The following ILDR2 variants were observed in gnomAD, a reference collection of about 807,000 sequenced individuals.
ILDR2 encodes the protein immunoglobulin-like domain-containing receptor 2.
In ILDR2, 25 loss-of-function variants were observed where a neutral mutation model predicts 66.8. That is an observed-to-expected ratio of 0.37 (90% CI 0.27 to 0.52). The LOEUF is 0.52. Ranked by LOEUF, ILDR2 falls within the 20% of genes least tolerant of loss-of-function variation. The pLI, the probability that ILDR2 is intolerant of heterozygous loss-of-function variation, is 0.88. For synonymous variants in ILDR2, 367 were observed against 357.2 expected (o/e 1.03, Z -0.31); for missense variants, 827 against 876.8 (o/e 0.94, Z 0.72).
chr1:166,960,513 T>C (rs1035186920), intron 1 of ILDR2, among the ~76,000 whole-genome samples: 1 of 152,212 alleles, frequency 6.6e-6, no homozygotes, highest in South Asian at 2.1e-4. Flanking sequence ...CTCTCAGAGT[T>C]GTTAACAAAC....
intron 7 of ILDR2, among the ~76,000 whole-genome samples, chr1:166,924,170 T>C (rs569929923): frequency 6.6e-6 from 1 of 152,336 alleles, no homozygotes; most frequent in African/African-American, 2.4e-5. Flanking sequence ...TATAATTTAA[T>C]TTTTAACCTT....
Position 166,936,375 on chromosome 1 carries a change from T to C in ILDR2, c.703+216A>G, listed in dbSNP as rs547723405. The stretch of plus-strand genomic sequence containing the variant: ...TTCCAAATGCATGGAGTGATAGATA[T>C]GGATAAGAAGTGTGGAGAGGTGTAT... On this transcript the variant is annotated intron_variant, in intron 5 of 9. Coordinates refer to ENST00000271417, the MANE Select transcript of ILDR2 (RefSeq NM_199351.3). This position sits in a 1 kb window ranked among gnomAD's most constrained non-coding sequence, Gnocchi z 5.0. Among the ~76,000 whole-genome samples the C allele has an allele frequency of 5.9e-5, 9 of 152,020 alleles. No homozygotes were observed. The highest frequency in any genetic ancestry group is 1.5e-5 in the Non-Finnish European group (1 of 68,014).
chr1:166,958,211 T>G, intron 1 of ILDR2, 110 bp from the exon 2 acceptor site: 1 of 838,970 alleles, frequency 1.2e-6, no homozygotes, highest in Non-Finnish European at 1.9e-6. Context: ...CCCCTCAACC[T>G]CATTTTCACA....
At chr1:166,942,731 A>G (rs1189569427) in intron 3 of ILDR2, among the ~76,000 whole-genome samples, 1 of 152,234 alleles carries the variant, frequency 6.6e-6, no homozygotes, top group Non-Finnish European at 1.5e-5. Context: ...AATAACAGTA[A>G]ATACAAGATC....
intron 3 of ILDR2, among the ~76,000 whole-genome samples, chr1:166,942,422 T>A (rs988449259): frequency 2.0e-5 from 3 of 152,234 alleles, no homozygotes; most frequent in Non-Finnish European, 2.9e-5. Flanking sequence ...TGTGGCCCCA[T>A]AGAAATGTGT....
chr1:166,920,773 G>T lies in ILDR2; in HGVS notation c.1818C>A (p.Arg606=). The stretch of plus-strand genomic sequence containing the variant: ...TGCTGTGGTAGGGCAGGTCGCGGCC[G>T]CGGTAGGACGGGCCGCGGGTCAGCT... The part of the protein sequence containing the change: ...ELELTRGPSY[R]GRDLPYHSNS... The change falls in exon 9 of 10, where the codon CGC becomes CGA. Residue 606 remains arginine (R), a synonymous_variant. Transcript: ENST00000271417. 6.7e-7 allele frequency: 1 copy of T among 1,498,162 alleles called. No homozygotes were observed. The highest frequency in any genetic ancestry group is 8.9e-7 in the Non-Finnish European group (1 of 1,123,812). The allele number at this position is 1,498,162 out of a possible 1,614,324, so 92.8% of individuals were successfully genotyped here.
In ILDR2 at chr1:166,936,724, A is replaced by C. The variant is rs550587562; in HGVS notation, c.570T>G (p.Val190=). The part of the protein sequence containing the change: ...AVEIMPEWVF[V]GLVLLGVFLF... ...GGAAGACGCCCAGGAGCACCAGGCC[A>C]ACAAACACCCACTCTGGAAGGATGC... The change falls in exon 5 of 10, where the codon GTT becomes GTG. Residue 190 remains valine, a synonymous_variant. Transcript: ENST00000271417. The surrounding 1 kb of genome is among the most constrained non-coding windows in gnomAD (Gnocchi z 5.0). 6 of 1,614,126 alleles carry C rather than the reference A, an allele frequency of 3.7e-6. 1 individual carries two copies. In the South Asian group the frequency reaches 6.6e-5, roughly 18 times the overall value.
At position 166,919,147 on chromosome 1, in the gene ILDR2, G is replaced by A; in HGVS notation, c.*208C>T. 1.8e-6 allele frequency: 1 copy of A among 548,120 alleles called. No homozygotes were observed. 34.0% of individuals were successfully genotyped at this position (548,120 alleles called of 1,614,324 possible). On this transcript the variant is annotated 3_prime_UTR_variant, in exon 10 of 10. Coordinates refer to ENST00000271417, the MANE Select transcript of ILDR2 (RefSeq NM_199351.3). ...TGTTCTCACACATTCTTGCTTTCTT[G>A]GTAAGCTTCTCAAACTAGTTAGATG...
rs1452096456 is a variant in ILDR2, at chr1:166,911,635, T to G, written c.*7720A>C. ...ATTTTAAGTTAGTATCTTTAAGATA[T>G]TCAGATAAATAAGAGGGCATTGTAA... On this transcript the variant is annotated 3_prime_UTR_variant, in exon 10 of 10. Coordinates refer to ENST00000271417, the MANE Select transcript of ILDR2 (RefSeq NM_199351.3). The G allele has an allele frequency of 6.7e-6, 1 of 148,582 alleles. No individual in the cohort carries two copies. The highest frequency in any genetic ancestry group is 1.5e-5 in the Non-Finnish European group (1 of 67,442). 9.2% of individuals were successfully genotyped at this position (148,582 alleles called of 1,614,324 possible).
At chr1:166,951,854 C>T (rs1315930031) in intron 3 of ILDR2, among the ~76,000 whole-genome samples, 1 of 152,074 alleles carries the variant, frequency 6.6e-6, no homozygotes, top group East Asian at 1.9e-4. Flanking sequence ...CCATAGTTTC[C>T]AAAAATTGTT....
chr1:166,936,475 A>C lies in ILDR2; in HGVS notation c.703+116T>G. 2 of 1,499,318 alleles carry C rather than the reference A, an allele frequency of 1.3e-6. No homozygotes were observed. Among genetic ancestry groups the C allele is most frequent in the Non-Finnish European group, 1.8e-6 (2 of 1,104,480 alleles). 92.9% of individuals were successfully genotyped at this position (1,499,318 alleles called of 1,614,324 possible). Reference sequence around the variant, plus strand: ...CAGCGGAGAAGAGTCTGGAATGACCAATCTTGGGGGTGGCAGGACAGGAGG... The same window carrying C: ...CAGCGGAGAAGAGTCTGGAATGACCCATCTTGGGGGTGGCAGGACAGGAGG... On this transcript the variant is annotated intron_variant, in intron 5 of 9. Coordinates refer to ENST00000271417, the MANE Select transcript of ILDR2 (RefSeq NM_199351.3). This position sits in a 1 kb window ranked among gnomAD's most constrained non-coding sequence, Gnocchi z 5.0.
chr1:166,905,101 AT>A, downstream of ILDR2, among the ~76,000 whole-genome samples: 1 of 152,346 alleles, frequency 6.6e-6, no homozygotes, highest in Admixed American at 6.5e-5. Context: ...TGTATTCATA[AT>A]AAAAGTTTAA....
intron 1 of ILDR2, among the ~76,000 whole-genome samples, chr1:166,966,479 C>A (rs1662956422): frequency 6.6e-6 from 1 of 152,170 alleles, no homozygotes; most frequent in Non-Finnish European, 1.5e-5. Flanking sequence ...CCAGTGCTGC[C>A]ACTGCCCAGG....
chr1:166,922,911 C>G (rs567120234), intron 7 of ILDR2, 102 bp from the exon 8 acceptor site: 1 of 988,160 alleles, frequency 1.0e-6, no homozygotes, highest in Admixed American at 1.9e-5. Context: ...CCAGGAAACT[C>G]CTGCCTCATT....
chr1:166,938,115 C>G (rs1006659100), intron 4 of ILDR2, among the ~76,000 whole-genome samples: 1 of 152,226 alleles, frequency 6.6e-6, no homozygotes, highest in African/African-American at 2.4e-5. Flanking sequence ...AGGCCTTGTG[C>G]CTGGCTGGAG....
Position 166,936,497 on chromosome 1 carries a change from G to A in ILDR2, c.703+94C>T. ...ACCAATCTTGGGGGTGGCAGGACAG[G>A]AGGTGGAGGAGGAACCCAGCGCACA... On this transcript the variant is annotated intron_variant, in intron 5 of 9. Coordinates refer to ENST00000271417, the MANE Select transcript of ILDR2 (RefSeq NM_199351.3). The surrounding 1 kb of genome is among the most constrained non-coding windows in gnomAD (Gnocchi z 5.0). 6.4e-7 allele frequency: 1 copy of A among 1,566,844 alleles called. No homozygotes were observed. The highest frequency in any genetic ancestry group is 8.7e-7 in the Non-Finnish European group (1 of 1,151,880).
At chr1:166,940,316 G>C (rs548596107) in intron 3 of ILDR2, among the ~76,000 whole-genome samples, 14 of 152,320 alleles carry the variant, frequency 9.2e-5, no homozygotes, top group Admixed American at 7.8e-4. Flanking sequence ...GAGGCTGGAA[G>C]ACATAAGGGA....
At chr1:166,929,600 G>C (rs1484763058) in intron 6 of ILDR2, among the ~76,000 whole-genome samples, 1 of 152,194 alleles carries the variant, frequency 6.6e-6, no homozygotes. Context: ...TGCATTTTCA[G>C]TAGAGTTTTC....
intron 1 of ILDR2, among the ~76,000 whole-genome samples, chr1:166,965,260 C>T (rs953579297): frequency 3.9e-5 from 6 of 152,078 alleles, no homozygotes; most frequent in African/African-American, 1.4e-4. Context: ...TATTTGCATA[C>T]ATATGAAGAG....
Sources: allele counts gnomAD v4.1 joint callset (sites outside exome capture counted in the v4.1 genomes callset), GRCh38; gene constraint gnomAD v4.1.1; non-coding constraint Gnocchi (gnomAD v3.1); transcripts MANE v1.5; gene names NCBI Gene and HGNC (gene_info 2026-07-23, HGNC 2026-07-21).